PIERCE2: variants seen among roughly 807,000 people sequenced by gnomAD.
PIERCE2 encodes the protein piercer of microtubule wall 2 protein.
chr15:55,418,362 A>C, the PIERCE2 span: 1 of 1,538,642 alleles, frequency 6.5e-7, no homozygotes. Flanking sequence ...TCACTATCAA[A>C]ACCTCAAATG....
the PIERCE2 span, among the ~76,000 whole-genome samples, chr15:55,416,330 G>A: frequency 6.6e-6 from 1 of 151,990 alleles, no homozygotes; most frequent in African/African-American, 2.4e-5. Flanking sequence ...TCAATCTCTT[G>A]ACCTCGTGAT....
the PIERCE2 span, among the ~76,000 whole-genome samples, chr15:55,413,390 C>G: frequency 6.6e-6 from 1 of 152,104 alleles, no homozygotes; most frequent in African/African-American, 2.4e-5. Context: ...CACTACTGCA[C>G]TCTAGCCTGA....
the PIERCE2 span, among the ~76,000 whole-genome samples, chr15:55,416,378 G>A: frequency 1.9e-3 from 291 of 152,258 alleles, 2 homozygotes; most frequent in Middle Eastern, 6.8e-3. Context: ...GGGATTTACA[G>A]GTGTGAGCCA....
the PIERCE2 span, among the ~76,000 whole-genome samples, chr15:55,413,130 C>T: frequency 2.6e-4 from 40 of 152,060 alleles, no homozygotes; most frequent in African/African-American, 7.5e-4. Context: ...TAGCCGGGCA[C>T]GGTGGCTGGC....
chr15:55,412,711 G>A, the PIERCE2 span, among the ~76,000 whole-genome samples: 1 of 152,164 alleles, frequency 6.6e-6, no homozygotes, highest in Non-Finnish European at 1.5e-5. Flanking sequence ...AGGTTGCAGT[G>A]CACTATTATC....
the PIERCE2 span, among the ~76,000 whole-genome samples, chr15:55,412,487 G>C: frequency 3.3e-5 from 5 of 152,204 alleles, no homozygotes; most frequent in African/African-American, 7.2e-5. Context: ...TTTAGGCACA[G>C]AGAATCTAAG....
the PIERCE2 span, chr15:55,418,264 G>T: frequency 6.4e-7 from 1 of 1,554,880 alleles, no homozygotes; most frequent in Non-Finnish European, 8.7e-7. Flanking sequence ...ACACAGAAAT[G>T]AAATCTGAAC....
chr15:55,417,454 T>C, the PIERCE2 span, among the ~76,000 whole-genome samples: 1 of 152,128 alleles, frequency 6.6e-6, no homozygotes, highest in East Asian at 1.9e-4. Context: ...GTTATCACAA[T>C]TGTAATTATT....
At chr15:55,418,683 ATAAGT>A in the PIERCE2 span, 4 of 733,674 alleles carry the variant, frequency 5.5e-6, no homozygotes, top group Non-Finnish European at 8.4e-6. Context: ...AATTTTTAAA[ATAAGT>A]TAAATAAAGT....
At chr15:55,412,413 G>A in the PIERCE2 span, among the ~76,000 whole-genome samples, 1 of 152,164 alleles carries the variant, frequency 6.6e-6, no homozygotes, top group Non-Finnish European at 1.5e-5. Context: ...AATAAATTCT[G>A]TGGAGTTGGT....
the PIERCE2 span, among the ~76,000 whole-genome samples, chr15:55,413,434 C>G: frequency 2.0e-5 from 3 of 151,780 alleles, no homozygotes; most frequent in African/African-American, 4.8e-5. Context: ...TTCTCCACAC[C>G]AAAACAGTTA....
the PIERCE2 span, chr15:55,418,189 T>C: frequency 4.5e-6 from 7 of 1,564,582 alleles, no homozygotes; most frequent in African/African-American, 2.8e-5. Context: ...CAGAACTTTA[T>C]AATGGAGAAT....
chr15:55,413,842 A>G, the PIERCE2 span, among the ~76,000 whole-genome samples: 21 of 147,286 alleles, frequency 1.4e-4, no homozygotes, highest in Non-Finnish European at 2.7e-4. Context: ...GACTTTTTTT[A>G]TTTTTCAGCT....
the PIERCE2 span, among the ~76,000 whole-genome samples, chr15:55,409,683 G>A: frequency 6.6e-6 from 1 of 152,028 alleles, no homozygotes; most frequent in East Asian, 1.9e-4. Flanking sequence ...CAGCTTCTGC[G>A]ATGGGCATTA....
the PIERCE2 span, chr15:55,418,531 C>G: frequency 6.6e-7 from 1 of 1,512,374 alleles, no homozygotes; most frequent in Non-Finnish European, 8.9e-7. Context: ...CTGACAGAAC[C>G]AGAACTCTTG....
the PIERCE2 span, among the ~76,000 whole-genome samples, chr15:55,415,633 C>T: frequency 3.3e-5 from 5 of 151,970 alleles, no homozygotes; most frequent in East Asian, 1.9e-4. Context: ...GCAGCGGGTA[C>T]GTGACTGGGG....
At chr15:55,408,782 AC>A in the PIERCE2 span, 4 of 1,525,360 alleles carry the variant, frequency 2.6e-6, no homozygotes, top group Non-Finnish European at 2.6e-6. Flanking sequence ...ACAGACCGCA[AC>A]CGGGTGAGTT....
the PIERCE2 span, among the ~76,000 whole-genome samples, chr15:55,412,534 C>T: frequency 6.6e-6 from 1 of 152,146 alleles, no homozygotes; most frequent in Non-Finnish European, 1.5e-5. Flanking sequence ...ATATTTGATT[C>T]ATATTTTCAG....
chr15:55,409,548 C>T, the PIERCE2 span, among the ~76,000 whole-genome samples: 1 of 152,034 alleles, frequency 6.6e-6, no homozygotes, highest in South Asian at 2.1e-4. Flanking sequence ...GCAAGGAAGA[C>T]GGTGGACCTG....
Sources: allele counts gnomAD v4.1 joint callset (sites outside exome capture counted in the v4.1 genomes callset), GRCh38; gene constraint gnomAD v4.1.1; transcripts MANE v1.5; gene names NCBI Gene and HGNC (gene_info 2026-07-23, HGNC 2026-07-21).